The following ATF1 variants were observed in gnomAD, a reference collection of about 807,000 sequenced individuals.
ATF1 encodes the protein activating transcription factor 1.
A neutral mutation model predicts 34.7 loss-of-function variants in ATF1; 16 were observed. That is an observed-to-expected ratio of 0.46 (90% CI 0.31 to 0.70). The LOEUF (loss-of-function observed/expected upper bound fraction) is 0.70. Ranked by LOEUF, ATF1 falls within the 30% of genes least tolerant of loss-of-function variation. The pLI is 0.05. For synonymous variants in ATF1, 105 were observed against 113.1 expected (o/e 0.93, Z 0.46); for missense variants, 255 against 321.6 (o/e 0.79, Z 1.58).
At chr12:50,789,432 A>ATCTT (rs1419784357) in intron 2 of ATF1, among the ~76,000 whole-genome samples, 7 of 152,212 alleles carry the variant, frequency 4.6e-5, no homozygotes, top group Non-Finnish European at 8.8e-5. Flanking sequence ...AGAATCTAGA[A>ATCTT]TCTTTATAAT....
rs182400262 is a variant in ATF1 at position 50,771,836 on chromosome 12, G to A, written c.-7+7529G>A. On this transcript the variant is annotated intron_variant, in intron 1 of 6. Transcript: ENST00000262053. ...ATGGCCACGAGAGTGACCTCTGGTC[G>A]TCGTCACTGCTGTGCTCCCACCAGC... Among the ~76,000 whole-genome samples the A allele has an allele frequency of 1.6e-3, 248 of 152,234 alleles. 4 individuals are homozygous for A. Among genetic ancestry groups the A allele is most frequent in the African/African-American group, 5.7e-3 (235 of 41,550 alleles).
rs773933246 is a variant in ATF1 at position 50,814,408 on chromosome 12, T to C, written c.640T>C (p.Leu214=). 4.5e-5 allele frequency: 72 copies of C among 1,613,908 alleles called. No individual in the cohort carries two copies. In the Middle Eastern group the frequency reaches 4.9e-4, roughly 11 times the overall value. The change falls in exon 6 of 7, where the codon TTG becomes CTG. Residue 214 remains leucine (L), a synonymous_variant. Transcript: ENST00000262053. The part of the protein sequence containing the change: ...SQTTKTDDPQ[L]KREIRLMKNR... ...GACAACTAAGACAGATGACCCCCAATTGAAAAGAGAAATAAGGTTAATGAA... is the reference window on the plus strand; with the variant it reads ...GACAACTAAGACAGATGACCCCCAACTGAAAAGAGAAATAAGGTTAATGAA...
chr12:50,819,167 G>A (rs1335799615), intron 6 of ATF1, among the ~76,000 whole-genome samples: 1 of 152,194 alleles, frequency 6.6e-6, no homozygotes, highest in Admixed American at 6.5e-5. Flanking sequence ...GCAAGAGACT[G>A]GATACACAAA....
chr12:50,809,882 G>A (rs947201779), intron 4 of ATF1, among the ~76,000 whole-genome samples: 6 of 152,116 alleles, frequency 3.9e-5, no homozygotes, highest in African/African-American at 1.4e-4. Context: ...TGCCCAGGCC[G>A]GAGTGCAGTG....
intron 2 of ATF1, among the ~76,000 whole-genome samples, chr12:50,784,304 A>G (rs149836153): frequency 1.3e-5 from 2 of 152,330 alleles, no homozygotes; most frequent in African/African-American, 4.8e-5. Context: ...AAAACCTATC[A>G]GTTGGTAATA....
chr12:50,810,983 G>T (rs138958771), intron 4 of ATF1, among the ~76,000 whole-genome samples: 312 of 152,200 alleles, frequency 2.0e-3, no homozygotes, highest in African/African-American at 7.2e-3. Context: ...GATCTTACAA[G>T]GCATTACATT....
intron 2 of ATF1, among the ~76,000 whole-genome samples, chr12:50,792,675 T>G (rs528835532): frequency 3.3e-5 from 5 of 152,264 alleles, no homozygotes; most frequent in African/African-American, 1.2e-4. Flanking sequence ...ATAGAAAAGT[T>G]TTAGAATTTC....
At chr12:50,778,683 G>A (rs1940987045) in intron 1 of ATF1, among the ~76,000 whole-genome samples, 2 of 152,014 alleles carry the variant, frequency 1.3e-5, no homozygotes, top group Non-Finnish European at 2.9e-5. Flanking sequence ...CACCTCCCGG[G>A]TTCAAGCAAT....
At chr12:50,778,436 G>T (rs537788829) in intron 1 of ATF1, among the ~76,000 whole-genome samples, 1 of 151,044 alleles carries the variant, frequency 6.6e-6, no homozygotes, top group South Asian at 2.1e-4. Context: ...TGTTGGCCAG[G>T]ATGGTCTCGA....
intron 1 of ATF1, among the ~76,000 whole-genome samples, chr12:50,778,150 A>G (rs567507658): frequency 6.7e-6 from 1 of 150,324 alleles, no homozygotes; most frequent in South Asian, 2.1e-4. Context: ...TCCTGGGCTC[A>G]TGTTATTCTT....
rs78125935 is a variant in ATF1, at chr12:50,787,165, T to C, written c.93+6927T>C. On this transcript the variant is annotated intron_variant, in intron 2 of 6. Transcript: ENST00000262053. ...TTCTGAAGATAAATACTATTTACTT[T>C]AGTCTCTAGTGTCTTACCCATGATG... Among the ~76,000 whole-genome samples, 760 of 152,330 alleles carry C rather than the reference T, an allele frequency of 5.0e-3. 1 individual carries two copies. Among genetic ancestry groups the C allele is most frequent in the African/African-American group, 0.018 (733 of 41,588 alleles).
intron 3 of ATF1, among the ~76,000 whole-genome samples, chr12:50,796,264 G>A (rs1364370865): frequency 1.3e-5 from 2 of 152,068 alleles, no homozygotes; most frequent in African/African-American, 2.4e-5. Flanking sequence ...ACATAGTGGC[G>A]CACGCCTGTA....
At chr12:50,763,708 G>A (rs971034182), upstream of ATF1, 1 of 150,684 alleles carries the variant, frequency 6.6e-6, no homozygotes, top group Non-Finnish European at 1.5e-5. Flanking sequence ...CTTCCAAGAG[G>A]ACAGGGCCGG....
intron 1 of ATF1, among the ~76,000 whole-genome samples, chr12:50,774,314 C>T (rs1940856549): frequency 1.3e-5 from 2 of 152,184 alleles, no homozygotes; most frequent in South Asian, 2.1e-4. Context: ...GGATTACAGG[C>T]GTGAGCCACC....
chr12:50,783,055 TTC>T (rs148114319), intron 2 of ATF1, among the ~76,000 whole-genome samples: 7,309 of 151,920 alleles, frequency 0.048, 590 homozygotes, highest in African/African-American at 0.17. Context: ...ACAATGCCAT[TTC>T]TCTCACTAAT....
intron 1 of ATF1, among the ~76,000 whole-genome samples, chr12:50,767,033 T>G (rs1045458317): frequency 6.6e-6 from 1 of 152,054 alleles, no homozygotes; most frequent in Non-Finnish European, 1.5e-5. Flanking sequence ...CTGGCCAGAA[T>G]GGAAAAAACA....
intron 2 of ATF1, 147 bp from the exon 3 acceptor site, chr12:50,795,762 C>G (rs1941395163): frequency 1.5e-6 from 1 of 673,458 alleles, no homozygotes; most frequent in South Asian, 1.9e-5. Flanking sequence ...TTTCCTTTTC[C>G]TTTTGTTCCT....
At chr12:50,786,909 A>T (rs1197560847) in intron 2 of ATF1, among the ~76,000 whole-genome samples, 1 of 152,204 alleles carries the variant, frequency 6.6e-6, no homozygotes, top group Non-Finnish European at 1.5e-5. Flanking sequence ...AGATGCAGAG[A>T]TGAAGCCTAA....
intron 6 of ATF1, among the ~76,000 whole-genome samples, chr12:50,818,456 AAAAC>A (rs769147664): frequency 1.1e-4 from 17 of 152,328 alleles, no homozygotes; most frequent in East Asian, 3.9e-4. Context: ...GAAACCACTT[AAAAC>A]AAACAAACAA....
Sources: gnomAD v4.1 joint callset for allele counts (sites outside exome capture counted in the v4.1 genomes callset) on GRCh38, gnomAD v4.1.1 for gene constraint, MANE v1.5 for transcripts, NCBI Gene and HGNC (gene_info 2026-07-23, HGNC 2026-07-21) for gene names.